Variants in EPC2 observed in about 807,000 individuals in gnomAD.
EPC2 encodes enhancer of polycomb homolog 2.
Under a neutral mutation model 92.1 loss-of-function variants are expected in EPC2, and 14 were observed. That is an observed-to-expected ratio of 0.15 (90% CI 0.10 to 0.24). The LOEUF is 0.24. Ranked by LOEUF, EPC2 falls within the 10% of genes least tolerant of loss-of-function variation. EPC2 has a pLI of 1.00. For synonymous variants in EPC2, 340 were observed against 334.7 expected (o/e 1.02, Z -0.17); for missense variants, 755 against 971.5 (o/e 0.78, Z 2.96).
chr2:148,684,568 A>T (rs1230169628), intron 1 of EPC2, among the ~76,000 whole-genome samples: 1 of 152,210 alleles, frequency 6.6e-6, no homozygotes, highest in Non-Finnish European at 1.5e-5. Context: ...ATCACATTGT[A>T]TATGCATCTG....
At chr2:148,715,606 A>G (rs2105387205) in intron 2 of EPC2, among the ~76,000 whole-genome samples, 1 of 152,114 alleles carries the variant, frequency 6.6e-6, no homozygotes, top group African/African-American at 2.4e-5. Flanking sequence ...TACTAATATC[A>G]TGCTGTTTTG....
intron 4 of EPC2, among the ~76,000 whole-genome samples, chr2:148,760,642 GA>G (rs1169305830): frequency 3.9e-5 from 6 of 152,074 alleles, no homozygotes; most frequent in Non-Finnish European, 8.8e-5. Context: ...TAATGAAGAA[GA>G]AAAAGATGAA....
At chr2:148,777,189 AAAAAG>A (rs1336612048) in intron 10 of EPC2, among the ~76,000 whole-genome samples, 2 of 152,120 alleles carry the variant, frequency 1.3e-5, no homozygotes, top group East Asian at 1.9e-4. Flanking sequence ...AAAGAGAAAA[AAAAAG>A]AAAAGACACT....
intron 6 of EPC2, among the ~76,000 whole-genome samples, chr2:148,763,079 C>G (rs896482298): frequency 6.6e-6 from 1 of 151,964 alleles, no homozygotes; most frequent in Admixed American, 6.6e-5. Flanking sequence ...TCTAATAGTC[C>G]GTCATGTTCA....
intron 2 of EPC2, chr2:148,691,772 A>G: frequency 1.3e-6 from 1 of 755,074 alleles, no homozygotes; most frequent in Non-Finnish European, 2.4e-6. Context: ...TCTCCTTTCT[A>G]CCTAAGGGCA....
intron 1 of EPC2, among the ~76,000 whole-genome samples, chr2:148,670,856 G>A (rs1681140742): frequency 6.6e-6 from 1 of 151,966 alleles, no homozygotes; most frequent in Non-Finnish European, 1.5e-5. Context: ...ACCTATTTTT[G>A]TTTATTTTTT....
intron 1 of EPC2, among the ~76,000 whole-genome samples, chr2:148,676,559 G>T (rs1460603486): frequency 6.6e-6 from 1 of 151,848 alleles, no homozygotes; most frequent in East Asian, 1.9e-4. Flanking sequence ...GCATTTTGTG[G>T]TATATTCTAT....
At chr2:148,659,060 T>C (rs986850345) in intron 1 of EPC2, among the ~76,000 whole-genome samples, 1 of 152,050 alleles carries the variant, frequency 6.6e-6, no homozygotes, top group Non-Finnish European at 1.5e-5. Flanking sequence ...GTTATGAGTT[T>C]ACTGAACTGT....
At chr2:148,697,701 T>G (rs779500582) in intron 2 of EPC2, among the ~76,000 whole-genome samples, 3 of 152,184 alleles carry the variant, frequency 2.0e-5, no homozygotes, top group Admixed American at 6.5e-5. Flanking sequence ...AGTGCTTCCA[T>G]TCAAACACAT....
intron 2 of EPC2, among the ~76,000 whole-genome samples, chr2:148,715,465 A>G (rs889783027): frequency 6.6e-6 from 1 of 152,190 alleles, no homozygotes; most frequent in African/African-American, 2.4e-5. Flanking sequence ...TCCGAGCACC[A>G]TTTATTAAAT....
At chr2:148,679,107 A>G (rs1357625895) in intron 1 of EPC2, among the ~76,000 whole-genome samples, 1 of 152,362 alleles carries the variant, frequency 6.6e-6, no homozygotes, top group East Asian at 1.9e-4. Flanking sequence ...AACTGGATCT[A>G]AAAATGTTTT....
chr2:148,742,682 T>G (rs1558826622), intron 2 of EPC2, among the ~76,000 whole-genome samples: 3 of 150,944 alleles, frequency 2.0e-5, no homozygotes, highest in South Asian at 2.1e-4. Flanking sequence ...CTTGGGAGAC[T>G]GAGGTGGGAG....
At chr2:148,767,360 G>A (rs1683430468) in intron 7 of EPC2, among the ~76,000 whole-genome samples, 2 of 152,074 alleles carry the variant, frequency 1.3e-5, no homozygotes, top group Non-Finnish European at 2.9e-5. Flanking sequence ...CCAAATTCTT[G>A]CATTGATTTA....
intron 2 of EPC2, among the ~76,000 whole-genome samples, chr2:148,730,861 T>C (rs1270551484): frequency 1.3e-5 from 2 of 152,244 alleles, no homozygotes; most frequent in Non-Finnish European, 2.9e-5. Context: ...ACTTGTAAAC[T>C]ATTCAACCCT....
At chr2:148,731,903 T>C (rs1033519632) in intron 2 of EPC2, among the ~76,000 whole-genome samples, 8 of 152,254 alleles carry the variant, frequency 5.3e-5, no homozygotes, top group Admixed American at 1.3e-4. Flanking sequence ...ACTGCTGTTA[T>C]GATTAGAAAG....
At chr2:148,688,688 T>G (rs1458221060) in intron 1 of EPC2, among the ~76,000 whole-genome samples, 1 of 152,220 alleles carries the variant, frequency 6.6e-6, no homozygotes, top group Non-Finnish European at 1.5e-5. Flanking sequence ...ATGCCTCAGT[T>G]TCTTTATATG....
chr2:148,698,853 A>G (rs1036158466), intron 2 of EPC2, among the ~76,000 whole-genome samples: 4 of 147,988 alleles, frequency 2.7e-5, no homozygotes, highest in East Asian at 2.0e-4. Flanking sequence ...AAAAAAAAGC[A>G]TTATACTCTG....
At chr2:148,663,893 T>G (rs907088705) in intron 1 of EPC2, among the ~76,000 whole-genome samples, 2 of 152,190 alleles carry the variant, frequency 1.3e-5, no homozygotes, top group African/African-American at 4.8e-5. Context: ...ATGCTGCCAC[T>G]GATCTAACAG....
intron 1 of EPC2, among the ~76,000 whole-genome samples, chr2:148,652,338 A>G (rs1680704108): frequency 6.6e-6 from 1 of 152,242 alleles, no homozygotes. Context: ...TTTACAAACC[A>G]TAAATTTGTA....
Sources: gnomAD v4.1 joint callset for allele counts (sites outside exome capture counted in the v4.1 genomes callset) on GRCh38, gnomAD v4.1.1 for gene constraint, MANE v1.5 for transcripts, NCBI Gene and HGNC (gene_info 2026-07-23, HGNC 2026-07-21) for gene names.